ARSG: variants seen among roughly 807,000 people sequenced by gnomAD.
ARSG encodes the protein ASG.
In ARSG, 37 loss-of-function variants were observed where a neutral mutation model predicts 50.5. The ratio of observed to expected loss-of-function variants is 0.73; its 90% confidence interval spans 0.56 to 0.96. ARSG has a LOEUF of 0.96. ARSG is among the 50% of genes least tolerant of loss of function. The pLI is 0.00. For synonymous variants in ARSG, 225 were observed against 254.6 expected (o/e 0.88, Z 1.11); for missense variants, 629 against 675.3 (o/e 0.93, Z 0.76).
Position 68,385,151 on chromosome 17 carries a change from T to A in ARSG, c.1070T>A (p.Val357Asp). Residue 357 changes from valine (V) to aspartate (D), a missense_variant, in exon 9 of 12, where the codon GTC becomes GAC. Val to Asp is a radical substitution (Grantham distance 152, BLOSUM62 -3). Coordinates refer to ENST00000621439, the MANE Select transcript of ARSG (RefSeq NM_001267727.2). ...TGGCCTGGCAGAGTTCCAGTTAATG[T>A]CACCAGCACTGCCTTGTTAAGGTAT... Reference protein sequence around the residue: ...AYWPGRVPVNVTSTALLSVLD... With the variant: ...AYWPGRVPVNDTSTALLSVLD... The A allele has an allele frequency of 6.2e-7, 1 of 1,613,924 alleles. No individual in the cohort carries two copies. The highest frequency in any genetic ancestry group is 8.5e-7 in the Non-Finnish European group (1 of 1,179,860).
At chr17:68,288,857 A>G (rs894862603), upstream of ARSG, among the ~76,000 whole-genome samples, 5 of 152,194 alleles carry the variant, frequency 3.3e-5, no homozygotes, top group African/African-American at 1.2e-4. Context: ...TAGAACTTCT[A>G]TCATCTGTAA....
the ARSG span, among the ~76,000 whole-genome samples, chr17:68,430,772 G>A: frequency 2.0e-5 from 3 of 152,270 alleles, no homozygotes; most frequent in South Asian, 6.2e-4. Flanking sequence ...TGTTCTGTTG[G>A]TGAGAGACAA....
chr17:68,370,359 C>T (rs531438400), intron 7 of ARSG, 85 bp from the exon 8 acceptor site: 57 of 1,225,828 alleles, frequency 4.6e-5, no homozygotes, highest in Admixed American at 4.5e-4. Flanking sequence ...TCCTGCTCTG[C>T]GCAAGGGATA....
intron 2 of ARSG, among the ~76,000 whole-genome samples, chr17:68,336,646 A>G (rs1274166546): frequency 6.6e-6 from 1 of 152,282 alleles, no homozygotes; most frequent in Non-Finnish European, 1.5e-5. Context: ...TGAGGCCAGG[A>G]ATTTGAGACC....
chr17:68,288,199 A>G (rs1421403574), upstream of ARSG, among the ~76,000 whole-genome samples: 2 of 151,372 alleles, frequency 1.3e-5, no homozygotes, highest in African/African-American at 4.9e-5. Context: ...ACAGGGTTTC[A>G]CCATGTTGGT....
intron 10 of ARSG, chr17:68,400,591 C>T (rs2081428346): frequency 6.6e-6 from 1 of 152,204 alleles, no homozygotes; most frequent in African/African-American, 2.4e-5. Flanking sequence ...CCCATCCTGA[C>T]CCTGAGGGGT....
intron 6 of ARSG, among the ~76,000 whole-genome samples, chr17:68,366,170 C>T (rs1441885778): frequency 6.6e-6 from 1 of 151,896 alleles, no homozygotes; most frequent in Non-Finnish European, 1.5e-5. Flanking sequence ...AACTCCTGAC[C>T]TCAAATGATC....
At chr17:68,375,830 G>C (rs892096967) in intron 8 of ARSG, among the ~76,000 whole-genome samples, 1 of 152,110 alleles carries the variant, frequency 6.6e-6, no homozygotes, top group Admixed American at 6.6e-5. Flanking sequence ...AGTTTGTGGC[G>C]ACCAAGGAGA....
intron 9 of ARSG, among the ~76,000 whole-genome samples, chr17:68,388,299 G>A (rs980419916): frequency 1.3e-5 from 2 of 152,146 alleles, no homozygotes; most frequent in African/African-American, 4.8e-5. Flanking sequence ...CGTTTTGGAG[G>A]ACTGTCCTGT....
chr17:68,314,212 C>T lies in ARSG; in HGVS notation c.218+6501C>T, dbSNP rs192274698. The stretch of plus-strand genomic sequence containing the variant: ...GGACAATGATAGCACCTCTACCTCA[C>T]AGGATGTTGTGAGGGTTAAATTAAG... On this transcript the variant is annotated intron_variant, in intron 2 of 11. Transcript: ENST00000621439. Among the ~76,000 whole-genome samples, 203 of 152,022 alleles carry T rather than the reference C, an allele frequency of 1.3e-3. 1 individual carries two copies. Among genetic ancestry groups the T allele is most frequent in the Middle Eastern group, 6.8e-3 (2 of 294 alleles).
the ARSG span, chr17:68,428,794 T>C: frequency 1.3e-6 from 2 of 1,541,824 alleles, no homozygotes; most frequent in Non-Finnish European, 1.8e-6. Context: ...CGACCAGCTC[T>C]CGAAAGGCTG....
intron 11 of ARSG, among the ~76,000 whole-genome samples, chr17:68,417,972 C>T (rs941892367): frequency 5.3e-5 from 8 of 151,894 alleles, no homozygotes; most frequent in African/African-American, 1.4e-4. Context: ...CCTCATGATC[C>T]GCCTGCCTCA....
intron 1 of ARSG, among the ~76,000 whole-genome samples, chr17:68,284,799 A>G (rs1313780687): frequency 1.3e-5 from 2 of 152,218 alleles, no homozygotes; most frequent in Admixed American, 6.5e-5. Context: ...GTTGATTAAA[A>G]TAAGGCATAA....
At position 68,356,615 on chromosome 17, in the gene ARSG, C is replaced by T. The variant is rs929886356; in HGVS notation, c.567-52C>T. 6.2e-6 allele frequency: 10 copies of T among 1,605,712 alleles called. No individual in the cohort carries two copies. The African/African-American group carries it at 1.2e-4, about 19-fold the overall frequency. On this transcript the variant is annotated intron_variant, in intron 5 of 11. Coordinates refer to ENST00000621439, the MANE Select transcript of ARSG (RefSeq NM_001267727.2). The stretch of plus-strand genomic sequence containing the variant: ...TGTTGCATTAAAGCATTTAGTTCTG[C>T]TCCGTGAGTACGTAGGAAATGAATA...
At chr17:68,424,714 A>G (rs1484907560), downstream of ARSG, among the ~76,000 whole-genome samples, 1 of 152,178 alleles carries the variant, frequency 6.6e-6, no homozygotes, top group Non-Finnish European at 1.5e-5. Context: ...CGTCTCTACT[A>G]AAAATACAAA....
chr17:68,350,941 A>G (rs1482224610), intron 4 of ARSG, among the ~76,000 whole-genome samples: 1 of 152,068 alleles, frequency 6.6e-6, no homozygotes, highest in East Asian at 1.9e-4. Context: ...TCACTCCACC[A>G]CTCCAAGCCC....
chr17:68,369,014 T>G (rs35864161), intron 7 of ARSG, among the ~76,000 whole-genome samples: 4,551 of 152,360 alleles, frequency 0.03, 90 homozygotes, highest in Non-Finnish European at 0.047. Flanking sequence ...GGTATTGCTC[T>G]TAATTGCCAT....
intron 8 of ARSG, among the ~76,000 whole-genome samples, chr17:68,373,911 A>T (rs1377496568): frequency 6.6e-6 from 1 of 152,018 alleles, no homozygotes; most frequent in Non-Finnish European, 1.5e-5. Flanking sequence ...TAATCCCAGC[A>T]CTTTGGGAGG....
intron 1 of ARSG, among the ~76,000 whole-genome samples, chr17:68,276,358 T>G (rs900074622): frequency 1.3e-5 from 2 of 152,224 alleles, no homozygotes; most frequent in Admixed American, 6.5e-5. Context: ...AGAAGGGCTT[T>G]AATTTCAGCA....
Sources: allele counts gnomAD v4.1 joint callset (sites outside exome capture counted in the v4.1 genomes callset), GRCh38; gene constraint gnomAD v4.1.1; transcripts MANE v1.5; gene names NCBI Gene and HGNC (gene_info 2026-07-23, HGNC 2026-07-21).